NOXO1: variants seen among roughly 807,000 people sequenced by gnomAD.
NOXO1 encodes the protein NADPH oxidase organizer 1, also known as NADPH oxidase regulatory protein.
A neutral mutation model predicts 33.3 loss-of-function variants in NOXO1; 38 were observed. The ratio of observed to expected loss-of-function variants is 1.14; its 90% CI spans 0.88 to 1.50. NOXO1 has a LOEUF of 1.50. NOXO1 is among the 40% of genes most tolerant of loss of function. NOXO1 has a pLI of 0.00. For synonymous variants in NOXO1, 302 were observed against 237.3 expected (o/e 1.27, Z -2.51); for missense variants, 675 against 527.1 (o/e 1.28, Z -2.75).
rs2083455668 is a variant in NOXO1 at position 1,979,546 on chromosome 16, G to A, written c.701-4C>T. The stretch of plus-strand genomic sequence containing the variant: ...CGGGAAGCACAGAACTGGGGACCTG[G>A]TGGGAGTGGGTGTTTGGAGTCACCG... On this transcript the variant is annotated splice_region_variant and splice_polypyrimidine_tract_variant and intron_variant, in intron 6 of 7. Coordinates refer to ENST00000356120, the MANE Select transcript of NOXO1 (RefSeq NM_172167.3). 1.2e-6 allele frequency: 2 copies of A among 1,605,490 alleles called. No individual in the cohort carries two copies. Among genetic ancestry groups the A allele is most frequent in the Non-Finnish European group, 1.7e-6 (2 of 1,175,054 alleles).
At position 1,981,308 on chromosome 16, in the gene NOXO1, G is replaced by A; in HGVS notation, c.-129C>T. 6.8e-7 allele frequency: 1 copy of A among 1,466,434 alleles called. No homozygotes were observed. The highest frequency in any genetic ancestry group is 9.0e-7 in the Non-Finnish European group (1 of 1,111,178). 90.8% of individuals were successfully genotyped at this position (1,466,434 alleles called of 1,614,324 possible). ...ATCCTGGCAACACCTCAAGCCTGTG[G>A]GGTCCTTGTGGAGCCGCCCCAGCTG... is the stretch of plus-strand genomic sequence containing the variant. On this transcript the variant is annotated 5_prime_UTR_variant, in exon 1 of 8. Coordinates refer to ENST00000356120, the MANE Select transcript of NOXO1 (RefSeq NM_172167.3).
In NOXO1 at chr16:1,980,962, A is replaced by G; in HGVS notation, c.124T>C (p.Trp42Arg). Residue 42 changes from tryptophan to arginine, a missense_variant, in exon 2 of 8, where the codon TGG becomes CGG. Transcript: ENST00000356120. Reference sequence around the variant, plus strand: ...ACCTTGAGCTGCCTGAATTCGTCCCAACTCCTGCGCACGAAGGTGTCGCTG... The same window carrying G: ...ACCTTGAGCTGCCTGAATTCGTCCCGACTCCTGCGCACGAAGGTGTCGCTG... ...DGSDTFVRRS[W>R]DEFRQLKKTL... The G allele has an allele frequency of 6.2e-7, 1 of 1,613,060 alleles. No individual in the cohort carries two copies. Among genetic ancestry groups the G allele is most frequent in the Non-Finnish European group, 8.5e-7 (1 of 1,179,990 alleles).
At chr16:1,979,622 G>A (rs1359266695) in intron 6 of NOXO1, 80 bp from the exon 7 acceptor site, 2 of 1,359,164 alleles carry the variant, frequency 1.5e-6, no homozygotes, top group Admixed American at 1.9e-5. Flanking sequence ...CATTCTCCTT[G>A]CTTGAGTCTG....
At position 1,979,174 on chromosome 16, in the gene NOXO1, G is replaced by A. The variant is rs551724159; in HGVS notation, c.994C>T (p.Pro332Ser). Residue 332 changes from proline to serine, a missense_variant, in exon 8 of 8, where the codon CCG (proline) becomes TCG (serine). Transcript: ENST00000356120. ...PPPTVPTRPS[P>S]GAIQSRCCTV... ...CAGCAGCGGCTCTGGATGGCGCCCG[G>A]CGAAGGTCGGGTGGGCACGGTGGGG... is the stretch of plus-strand genomic sequence containing the variant. 2 of 1,457,036 alleles carry A rather than the reference G, an allele frequency of 1.4e-6. No homozygotes were observed. The highest frequency in any genetic ancestry group is 2.7e-5 in the East Asian group (1 of 37,438). The allele number at this position is 1,457,036 out of a possible 1,614,324, so 90.3% of individuals were successfully genotyped here. A position where few individuals can be genotyped will look rare whatever the true frequency, so the allele number is the denominator to read the frequency against.
Position 1,979,543 on chromosome 16 carries a change from C to CT in NOXO1, c.701-2dup. 1 of 1,607,884 alleles carries CT rather than the reference C, an allele frequency of 6.2e-7. No homozygotes were observed. ...GCGCGGGAAGCACAGAACTGGGGAC[C>CT]TGGTGGGAGTGGGTGTTTGGAGTCA... On this transcript the variant is annotated splice_acceptor_variant, in intron 6 of 7. Transcript: ENST00000356120. LOFTEE classifies it high-confidence loss of function.
Position 1,979,278 on chromosome 16 carries a change from C to T in NOXO1, c.890G>A (p.Gly297Glu). The T allele has an allele frequency of 1.3e-6, 2 of 1,551,982 alleles. No individual in the cohort carries two copies. The highest frequency in any genetic ancestry group is 1.7e-6 in the Non-Finnish European group (2 of 1,156,678). The change falls in exon 8 of 8, where the codon GGG (glycine) becomes GAG (glutamate). Residue 297 changes from glycine (G) to glutamate (E), a missense_variant. Coordinates refer to ENST00000356120, the MANE Select transcript of NOXO1 (RefSeq NM_172167.3). ...GTCGTCTCCTCCACGGAACCCCGTC[C>T]CGCTCAGGAGAGCGCCCAGCCCTTC... ...RPEGLGALLS[G>E]TGFRGGDDPA... is the part of the protein sequence containing the mutation.
At position 1,979,912 on chromosome 16, in the gene NOXO1, A is replaced by G. The variant is rs2083463749; in HGVS notation, c.587-9T>C. The G allele has an allele frequency of 6.3e-7, 1 of 1,579,996 alleles. No individual in the cohort carries two copies. The highest frequency in any genetic ancestry group is 1.1e-5 in the South Asian group (1 of 87,148). ...CTCCACCAGCCACCAGCCTGTGCGCAAGAAGCGGGCAGGGACTCAAATCTC... is the reference window on the plus strand; with the variant it reads ...CTCCACCAGCCACCAGCCTGTGCGCGAGAAGCGGGCAGGGACTCAAATCTC... On this transcript the variant is annotated splice_polypyrimidine_tract_variant and intron_variant, in intron 5 of 7. Transcript: ENST00000356120.
At position 1,980,457 on chromosome 16, in the gene NOXO1, G is replaced by A. The variant is rs150460057; in HGVS notation, c.311C>T (p.Ala104Val). The stretch of plus-strand genomic sequence containing the variant: ...GCTCCGTGCCACGCGCTCTGCAGTC[G>A]CCAGCAGCCTCCGAGAATAGGTTTC... ...LLETYSRRLLATAERVARSPT... is the reference protein window; with the variant it reads ...LLETYSRRLLVTAERVARSPT... Residue 104 changes from alanine to valine, a missense_variant, in exon 4 of 8, where the codon GCG (alanine) becomes GTG (valine). By Grantham distance (64) the Ala-to-Val change is moderately conservative. Transcript: ENST00000356120. 14 of 1,601,902 alleles carry A rather than the reference G, an allele frequency of 8.7e-6. No homozygotes were observed. The East Asian group carries it at 1.8e-4, about 20-fold the overall frequency.
Position 1,979,295 on chromosome 16 carries a change from C to T in NOXO1, c.873G>A (p.Leu291=), listed in dbSNP as rs767806233. 2.6e-6 allele frequency: 4 copies of T among 1,563,386 alleles called. No homozygotes were observed. Among genetic ancestry groups the T allele is most frequent in the Non-Finnish European group, 3.4e-6 (4 of 1,162,250 alleles). ...LPAVLLRPEG[L]GALLSGTGFR... The stretch of plus-strand genomic sequence containing the variant: ...ACCCCGTCCCGCTCAGGAGAGCGCC[C>T]AGCCCTTCCGGCCGCAGCAGCACCG... The change falls in exon 8 of 8, where the codon CTG becomes CTA. Residue 291 remains leucine (L), a synonymous_variant. Coordinates refer to ENST00000356120, the MANE Select transcript of NOXO1 (RefSeq NM_172167.3).
Position 1,981,233 on chromosome 16 carries a change from C to T in NOXO1, c.-54G>A, listed in dbSNP as rs2083503875. On this transcript the variant is annotated 5_prime_UTR_variant, in exon 1 of 8. Coordinates refer to ENST00000356120, the MANE Select transcript of NOXO1 (RefSeq NM_172167.3). ...GAAATGGGCGAGGACCCTTCTGCCT[C>T]CCCGTGCTTGAGAGGGCTCTGGGGG... 2.5e-6 allele frequency: 4 copies of T among 1,610,180 alleles called. No homozygotes were observed. Among genetic ancestry groups the T allele is most frequent in the South Asian group, 2.2e-5 (2 of 90,832 alleles).
chr16:1,980,637 G>A lies in NOXO1; in HGVS notation c.223+19C>T, dbSNP rs756434137. On this transcript the variant is annotated intron_variant, in intron 3 of 7. Coordinates refer to ENST00000356120, the MANE Select transcript of NOXO1 (RefSeq NM_172167.3). The stretch of plus-strand genomic sequence containing the variant: ...GCAAGCCACCGCCTTCCCCGCTCCC[G>A]TACCCAGGCTGGCCTGACCGAGAAG... 3 of 1,600,548 alleles carry A rather than the reference G, an allele frequency of 1.9e-6. No individual in the cohort carries two copies. Among genetic ancestry groups the A allele is most frequent in the South Asian group, 2.2e-5 (2 of 89,448 alleles).
chr16:1,979,630 C>G, intron 6 of NOXO1, 88 bp from the exon 7 acceptor site: 1 of 1,340,300 alleles, frequency 7.5e-7, no homozygotes, highest in East Asian at 2.3e-5. Flanking sequence ...TTGCTTGAGT[C>G]TGCTGACGGC....
In NOXO1 at chr16:1,979,514, G is replaced by T. The variant is rs200875428; in HGVS notation, c.729C>A (p.Tyr243Ter). ...SGPQFCASRA[Y>*]ESSRADELSV... Reference sequence around the variant, plus strand: ...ACAGCTCATCTGCGCGGCTGCTCTCGTAGGCGCGGGAAGCACAGAACTGGG... The same window carrying T: ...ACAGCTCATCTGCGCGGCTGCTCTCTTAGGCGCGGGAAGCACAGAACTGGG... Residue 243 changes from tyrosine to a stop codon, truncating the protein, a stop_gained, in exon 7 of 8, where the codon TAC (tyrosine) becomes TAA (stop). Coordinates refer to ENST00000356120, the MANE Select transcript of NOXO1 (RefSeq NM_172167.3). LOFTEE classifies it high-confidence loss of function. 33 of 1,611,510 alleles carry T rather than the reference G, an allele frequency of 2.0e-5. 1 individual carries two copies. Among genetic ancestry groups the T allele is most frequent in the Admixed American group, 1.2e-4 (7 of 59,894 alleles).
In NOXO1 at chr16:1,979,440, C is replaced by T. The variant is rs866356290; in HGVS notation, c.803G>A (p.Gly268Asp). The change falls in exon 7 of 8, where the codon GGC becomes GAC. Residue 268 changes from glycine (G) to aspartate (D), a missense_variant. Coordinates refer to ENST00000356120, the MANE Select transcript of NOXO1 (RefSeq NM_172167.3). ...RVRVLETSDR[G>D]WWLCRYGDRA... ...TCCCGCGTACCTGCATAGCCACCAG[C>T]CGCGGTCTGACGTTTCCAACACGCG... The T allele has an allele frequency of 6.2e-7, 1 of 1,610,110 alleles. No homozygotes were observed. Among genetic ancestry groups the T allele is most frequent in the Non-Finnish European group, 8.5e-7 (1 of 1,179,168 alleles).
In NOXO1 at chr16:1,979,025, T is replaced by A. The variant is rs1161939997; in HGVS notation, c.*27A>T. 2.6e-6 allele frequency: 4 copies of A among 1,528,988 alleles called. No individual in the cohort carries two copies. The African/African-American group carries it at 4.1e-5, about 16-fold the overall frequency. 94.7% of individuals were successfully genotyped at this position (1,528,988 alleles called of 1,614,324 possible). On this transcript the variant is annotated 3_prime_UTR_variant, in exon 8 of 8. Transcript: ENST00000356120. ...CCTCCCCAGCCCTGGGATGGCGCGG[T>A]CCATCCCCTCATCGGGATCCTCGCG...
Position 1,979,806 on chromosome 16 carries a change from C to A in NOXO1, c.684G>T (p.Pro228=). Residue 228 remains proline, a synonymous_variant, in exon 6 of 8, where the codon CCG becomes CCT. Transcript: ENST00000356120. Reference sequence around the variant, plus strand: ...GGCGCATACCGCTGCTCCCTAGGGACGGGCCTCCCTCCCGGCCTTGGCCCG... The same window carrying A: ...GGCGCATACCGCTGCTCCCTAGGGAAGGGCCTCCCTCCCGGCCTTGGCCCG... ...AAPGQGREGG[P]SLGSSGPQFC... 1 of 1,557,460 alleles carries A rather than the reference C, an allele frequency of 6.4e-7. No individual in the cohort carries two copies. The highest frequency in any genetic ancestry group is 8.7e-7 in the Non-Finnish European group (1 of 1,152,950).
rs769638705 is a variant in NOXO1, at chr16:1,979,015, G to A, written c.*37C>T. On this transcript the variant is annotated 3_prime_UTR_variant, in exon 8 of 8. Coordinates refer to ENST00000356120, the MANE Select transcript of NOXO1 (RefSeq NM_172167.3). ...CCTCCCCGCTCCTCCCCAGCCCTGG[G>A]ATGGCGCGGTCCATCCCCTCATCGG... is the stretch of plus-strand genomic sequence containing the variant. 1.6e-5 allele frequency: 25 copies of A among 1,518,168 alleles called. No homozygotes were observed. In the East Asian group the frequency reaches 2.4e-4, roughly 15 times the overall value. 94.0% of individuals were successfully genotyped at this position (1,518,168 alleles called of 1,614,324 possible). A position where few individuals can be genotyped will look rare whatever the true frequency, so the allele number is the denominator to read the frequency against.
Position 1,978,985 on chromosome 16 carries a change from TC to T in NOXO1, c.*66del. ...CTCCCATCCCTGCTGGCCAGGGAGA[TC>T]CGCCCTCCCCGCTCCTCCCCAGCCC... On this transcript the variant is annotated 3_prime_UTR_variant, in exon 8 of 8. Transcript: ENST00000356120. 1.4e-6 allele frequency: 2 copies of T among 1,422,722 alleles called. No homozygotes were observed. The highest frequency in any genetic ancestry group is 1.9e-6 in the Non-Finnish European group (2 of 1,067,532). The allele number at this position is 1,422,722 out of a possible 1,614,324, so 88.1% of individuals were successfully genotyped here. A position where few individuals can be genotyped will look rare whatever the true frequency, so the allele number is the denominator to read the frequency against.
intron 6 of NOXO1, 120 bp from the exon 7 acceptor site, chr16:1,979,662 C>T: frequency 1.7e-6 from 2 of 1,195,896 alleles, no homozygotes; most frequent in South Asian, 2.9e-5. Flanking sequence ...AAGACCGGTT[C>T]GGGGCTTCCT....
Sources: gnomAD v4.1 joint callset for allele counts on GRCh38, gnomAD v4.1.1 for gene constraint, MANE v1.5 for transcripts, NCBI Gene and HGNC (gene_info 2026-07-23, HGNC 2026-07-21) for gene names.